KIAA1549L: variants seen among roughly 807,000 people sequenced by gnomAD.
KIAA1549L encodes the protein UPF0606 protein KIAA1549L.
In KIAA1549L, 88 loss-of-function variants were observed where a neutral mutation model predicts 160.7. The observed-to-expected ratio is 0.55, with a 90% CI of 0.46 to 0.65. The LOEUF (loss-of-function observed/expected upper bound fraction) is 0.65, where lower values mean the gene tolerates loss of function less well. KIAA1549L is among the 30% of genes least tolerant of loss of function. The pLI is 0.00. For synonymous variants in KIAA1549L, 950 were observed against 976.7 expected (o/e 0.97, Z 0.51); for missense variants, 2,258 against 2,437.5 (o/e 0.93, Z 1.55).
At chr11:33,424,032 A>G (rs1851070268) in intron 1 of KIAA1549L, among the ~76,000 whole-genome samples, 1 of 149,506 alleles carries the variant, frequency 6.7e-6, no homozygotes, top group African/African-American at 2.4e-5. Flanking sequence ...CTGTCTTGGA[A>G]AAAAAAAAAA....
intron 1 of KIAA1549L, among the ~76,000 whole-genome samples, chr11:33,488,477 CTTGT>C (rs1416267362): frequency 6.6e-6 from 1 of 152,142 alleles, no homozygotes; most frequent in Non-Finnish European, 1.5e-5. Flanking sequence ...ATTCTTGTGT[CTTGT>C]TTAATAGTTA....
At chr11:33,594,802 G>A (rs1165820390) in intron 12 of KIAA1549L, among the ~76,000 whole-genome samples, 1 of 152,208 alleles carries the variant, frequency 6.6e-6, no homozygotes, top group Non-Finnish European at 1.5e-5. Context: ...GAGAGCATAA[G>A]CAGAGCAGAG....
chr11:33,492,942 G>A lies in KIAA1549L; in HGVS notation c.239-48860G>A, dbSNP rs147242230. Among the ~76,000 whole-genome samples, 12 of 152,024 alleles carry A rather than the reference G, an allele frequency of 7.9e-5. No homozygotes were observed. The East Asian group carries it at 1.9e-3, about 25-fold the overall frequency. On this transcript the variant is annotated intron_variant, in intron 1 of 20. Transcript: ENST00000658780. ...AGGGGGAGTGATACAGCTTGTATTC[G>A]TGATCAGGAAAACACAGTGTTTTCC...
At chr11:33,489,604 A>C (rs953626347) in intron 1 of KIAA1549L, among the ~76,000 whole-genome samples, 2 of 152,200 alleles carry the variant, frequency 1.3e-5, no homozygotes, top group Non-Finnish European at 2.9e-5. Context: ...AGGCTGATGG[A>C]GATGCTGCCA....
At position 33,542,052 on chromosome 11, in the gene KIAA1549L, C is replaced by T. The variant is rs2076624; in HGVS notation, c.489C>T (p.Ser163=). The change falls in exon 2 of 21, where the codon AGC becomes AGT. Residue 163 remains serine (S), a synonymous_variant. Transcript: ENST00000658780. ...ADFSSSLYQG[S]GHSASLEPSK... is the part of the protein sequence containing the mutation. ...TCTCTTCTTCCCTTTACCAAGGAAG[C>T]GGACATAGCGCCTCCCTCGAACCTT... is the stretch of plus-strand genomic sequence containing the variant. 0.09 allele frequency: 41,787 copies of T among 465,362 alleles called. 2,544 individuals are homozygous for T. The highest frequency in any genetic ancestry group is 0.31 in the East Asian group (4,570 of 14,806). The allele number at this position is 465,362 out of a possible 1,614,324, so 28.8% of individuals were successfully genotyped here. A position where few individuals can be genotyped will look rare whatever the true frequency, so the allele number is the denominator to read the frequency against.
At chr11:33,382,458 A>C (rs1565113653) in intron 1 of KIAA1549L, among the ~76,000 whole-genome samples, 1 of 152,102 alleles carries the variant, frequency 6.6e-6, no homozygotes, top group Admixed American at 6.5e-5. Flanking sequence ...AAAAAGAGGC[A>C]TTGGAGGCAA....
At chr11:33,377,068 A>G (rs34493918) in intron 1 of KIAA1549L, among the ~76,000 whole-genome samples, 179 bp downstream of exon 1, 2,288 of 151,758 alleles carry the variant, frequency 0.015, 29 homozygotes, top group Middle Eastern at 0.095. Context: ...GGCGGGGAAG[A>G]AAAAAAAAGG....
intron 1 of KIAA1549L, among the ~76,000 whole-genome samples, chr11:33,435,112 T>A (rs1224000343): frequency 6.6e-6 from 1 of 152,228 alleles, no homozygotes; most frequent in Non-Finnish European, 1.5e-5. Context: ...AATAAAAGAT[T>A]AATCATAAAA....
Position 33,581,961 on chromosome 11 carries a change from T to C in KIAA1549L, c.4403-1377T>C, listed in dbSNP as rs184362802. On this transcript the variant is annotated intron_variant, in intron 10 of 20. Transcript: ENST00000658780. ...GCTAATAAAAAAAAGCATGTATTTA[T>C]TTAGGGTATACACTGATATACTGTA... 4.5e-4 allele frequency among the ~76,000 whole-genome samples: 68 copies of C among 152,284 alleles called. No individual in the cohort carries two copies. In the East Asian group the frequency reaches 0.012, roughly 26 times the overall value.
In KIAA1549L at chr11:33,668,390, T is replaced by C. The variant is rs1852559383; in HGVS notation, c.*236T>C. ...TGGCTTGGGGCCTTATGTTTGATACTCTCTCATGTCAAATGTTTGAACTTT... is the reference window on the plus strand; with the variant it reads ...TGGCTTGGGGCCTTATGTTTGATACCCTCTCATGTCAAATGTTTGAACTTT... On this transcript the variant is annotated 3_prime_UTR_variant, in exon 21 of 21. Coordinates refer to ENST00000658780, the MANE Select transcript of KIAA1549L (RefSeq NM_012194.3). 1 of 559,454 alleles carries C rather than the reference T, an allele frequency of 1.8e-6. No individual in the cohort carries two copies. The highest frequency in any genetic ancestry group is 3.1e-5 in the Admixed American group (1 of 32,460). 34.7% of individuals were successfully genotyped at this position (559,454 alleles called of 1,614,324 possible).
At chr11:33,541,507 C>T (rs1371511918) in intron 1 of KIAA1549L, among the ~76,000 whole-genome samples, 2 of 152,216 alleles carry the variant, frequency 1.3e-5, no homozygotes, top group African/African-American at 4.8e-5. Flanking sequence ...GCAAGTTTCA[C>T]AGTCCACGCC....
intron 1 of KIAA1549L, among the ~76,000 whole-genome samples, chr11:33,494,495 C>T (rs1484623926): frequency 6.6e-6 from 1 of 152,174 alleles, no homozygotes; most frequent in African/African-American, 2.4e-5. Flanking sequence ...GATTACTTAA[C>T]ATGTAGCCAG....
intron 1 of KIAA1549L, among the ~76,000 whole-genome samples, chr11:33,445,124 T>C (rs1438098489): frequency 6.6e-6 from 1 of 152,096 alleles, no homozygotes; most frequent in Non-Finnish European, 1.5e-5. Context: ...TGGCTCTCAG[T>C]TGGATGAGGG....
At chr11:33,507,769 C>G (rs1853125847) in intron 1 of KIAA1549L, among the ~76,000 whole-genome samples, 1 of 152,186 alleles carries the variant, frequency 6.6e-6, no homozygotes, top group Non-Finnish European at 1.5e-5. Context: ...TATATGCTAT[C>G]TCAAACCAAG....
intron 1 of KIAA1549L, among the ~76,000 whole-genome samples, chr11:33,412,506 C>T (rs1281162359): frequency 1.3e-5 from 2 of 152,196 alleles, no homozygotes; most frequent in Non-Finnish European, 2.9e-5. Flanking sequence ...TACCATGAGG[C>T]AAGAAATGGT....
intron 8 of KIAA1549L, among the ~76,000 whole-genome samples, chr11:33,566,399 G>T (rs1855050343): frequency 6.6e-6 from 1 of 152,188 alleles, no homozygotes; most frequent in Non-Finnish European, 1.5e-5. Context: ...GACAAGAGGT[G>T]GGCCAGCCCT....
chr11:33,386,762 T>C (rs1477647103), intron 1 of KIAA1549L, among the ~76,000 whole-genome samples: 3 of 151,586 alleles, frequency 2.0e-5, no homozygotes, highest in African/African-American at 7.3e-5. Flanking sequence ...GGTCTGTAGT[T>C]TTGTTTTGCT....
At chr11:33,561,785 ATT>A in intron 8 of KIAA1549L, 50 bp downstream of exon 8, 1 of 1,345,498 alleles carries the variant, frequency 7.4e-7, no homozygotes, top group South Asian at 1.2e-5. Flanking sequence ...AGATTGATTT[ATT>A]TTTTTTAAAC....
chr11:33,397,869 T>A (rs1850417977), intron 1 of KIAA1549L, among the ~76,000 whole-genome samples: 1 of 151,548 alleles, frequency 6.6e-6, no homozygotes, highest in Admixed American at 6.6e-5. Flanking sequence ...TTTATTTGTT[T>A]TTTTTAAATC....
Sources: allele counts gnomAD v4.1 joint callset (sites outside exome capture counted in the v4.1 genomes callset), GRCh38; gene constraint gnomAD v4.1.1; transcripts MANE v1.5; gene names NCBI Gene and HGNC (gene_info 2026-07-23, HGNC 2026-07-21).